POLI: variants seen among roughly 807,000 people sequenced by gnomAD.
POLI encodes the protein RAD30 homolog B.
POLI carries 58 observed loss-of-function variants against 51.6 expected under a neutral mutation model. The ratio of observed to expected loss-of-function variants is 1.12; its 90% confidence interval spans 0.91 to 1.40. POLI has a LOEUF of 1.40. Ranked by LOEUF, POLI falls within the 40% of genes most tolerant of loss-of-function variation. The pLI is 0.00. For synonymous variants in POLI, 322 were observed against 299.7 expected (o/e 1.07, Z -0.77); for missense variants, 921 against 871.3 (o/e 1.06, Z -0.72).
chr18:54,279,241 CT>C (rs769828054), intron 4 of POLI, among the ~76,000 whole-genome samples: 9,890 of 118,900 alleles, frequency 0.083, 678 homozygotes, highest in African/African-American at 0.3. Context: ...TATGTCTTTT[CT>C]TTTTTTTTTT....
intron 3 of POLI, among the ~76,000 whole-genome samples, chr18:54,304,886 C>T (rs1265658501): frequency 6.6e-5 from 10 of 152,070 alleles, no homozygotes; most frequent in South Asian, 4.2e-4. Context: ...AGGGTTTTTA[C>T]GGTTTTAGGT....
chr18:54,317,518 T>G (rs1044183951), intron 3 of POLI, among the ~76,000 whole-genome samples: 1 of 152,134 alleles, frequency 6.6e-6, no homozygotes, highest in Non-Finnish European at 1.5e-5. Flanking sequence ...ACGAATTGAG[T>G]CCCAAAATAA....
intron 3 of POLI, among the ~76,000 whole-genome samples, chr18:54,276,244 C>T (rs867183928): frequency 6.6e-6 from 1 of 151,930 alleles, no homozygotes; most frequent in African/African-American, 2.4e-5. Context: ...GTAGCATGTG[C>T]CTGCAGTCCC....
At position 54,295,082 on chromosome 18, in the gene POLI, A is replaced by G; in HGVS notation, c.*615A>G. 1 of 985,534 alleles carries G rather than the reference A, an allele frequency of 1.0e-6. No homozygotes were observed. The highest frequency in any genetic ancestry group is 1.2e-6 in the Non-Finnish European group (1 of 829,988). 61.0% of individuals were successfully genotyped at this position (985,534 alleles called of 1,614,324 possible). A position where few individuals can be genotyped will look rare whatever the true frequency, so the allele number is the denominator to read the frequency against. ...ATGAATGAATGGTTTGGCTAGGGCCAGGGTGGGGAGTTAAAGTGAGAGGAG... is the reference window on the plus strand; with the variant it reads ...ATGAATGAATGGTTTGGCTAGGGCCGGGGTGGGGAGTTAAAGTGAGAGGAG... On this transcript the variant is annotated 3_prime_UTR_variant, in exon 10 of 10. Coordinates refer to ENST00000579534, the MANE Select transcript of POLI (RefSeq NM_007195.3).
chr18:54,290,392 T>C (rs2087950213), intron 8 of POLI, among the ~76,000 whole-genome samples: 1 of 152,200 alleles, frequency 6.6e-6, no homozygotes, highest in South Asian at 2.1e-4. Context: ...GAGTGTAAAT[T>C]AGTTCAACCA....
chr18:54,270,359 A>G (rs1181186400), intron 1 of POLI: 1 of 152,314 alleles, frequency 6.6e-6, no homozygotes, highest in African/African-American at 2.4e-5. Context: ...GATCAGGTGT[A>G]GCTGTGTTGT....
chr18:54,307,200 C>G (rs949245825), intron 3 of POLI, among the ~76,000 whole-genome samples: 1 of 152,206 alleles, frequency 6.6e-6, no homozygotes, highest in African/African-American at 2.4e-5. Context: ...AATTTTAGAT[C>G]TTTCCTGCTT....
At chr18:54,304,308 T>C (rs1365912498) in intron 3 of POLI, among the ~76,000 whole-genome samples, 1 of 152,214 alleles carries the variant, frequency 6.6e-6, no homozygotes, top group Non-Finnish European at 1.5e-5. Context: ...ATGGTATTTC[T>C]AGTTCTAGAT....
At position 54,269,550 on chromosome 18, in the gene POLI, G is replaced by C. The variant is rs2144406619; in HGVS notation, c.4G>C (p.Glu2Gln). The C allele has an allele frequency of 1.3e-6, 2 of 1,508,692 alleles. No homozygotes were observed. The highest frequency in any genetic ancestry group is 1.8e-6 in the Non-Finnish European group (2 of 1,133,132). 93.5% of individuals were successfully genotyped at this position (1,508,692 alleles called of 1,614,324 possible). ...CGCTGCGGTTGGCAGCGGCGGGATG[G>C]AGAAGCTGGGGGTGGAGCCGGAGGA... The part of the protein sequence containing the change: M[E>Q]KLGVEPEEEG... Residue 2 changes from glutamate to glutamine, a missense_variant, in exon 1 of 10, where the codon GAG (glutamate) becomes CAG (glutamine). Coordinates refer to ENST00000579534, the MANE Select transcript of POLI (RefSeq NM_007195.3).
At chr18:54,278,000 C>CTG in intron 4 of POLI, 145 bp downstream of exon 4, 4 of 582,954 alleles carry the variant, frequency 6.9e-6, no homozygotes, top group African/African-American at 1.9e-5. Flanking sequence ...TCTAGGACAG[C>CTG]TAAAATTAGG....
chr18:54,279,232 A>C (rs943446722), intron 4 of POLI, among the ~76,000 whole-genome samples: 46 of 138,660 alleles, frequency 3.3e-4, no homozygotes, highest in African/African-American at 1.0e-3. Context: ...AATACCCATT[A>C]TGTCTTTTCT....
chr18:54,274,032 G>T lies in POLI; in HGVS notation c.348G>T (p.Leu116Phe). The T allele has an allele frequency of 6.4e-7, 1 of 1,569,204 alleles. No individual in the cohort carries two copies. Among genetic ancestry groups the T allele is most frequent in the Non-Finnish European group, 8.7e-7 (1 of 1,155,768 alleles). ...ATGCAAAAGAAAAGTGTCCACAGTT[G>T]GTATTAGTTAATGGAGAAGACCTGA... is the stretch of plus-strand genomic sequence containing the variant. ...VRDAKEKCPQ[L>F]VLVNGEDLTR... is the part of the protein sequence containing the mutation. Residue 116 changes from leucine (L) to phenylalanine (F), a missense_variant, in exon 3 of 10, where the codon TTG (leucine) becomes TTT (phenylalanine). Leu to Phe is a conservative substitution (Grantham distance 22). Coordinates refer to ENST00000579534, the MANE Select transcript of POLI (RefSeq NM_007195.3).
In POLI at chr18:54,287,274, T is replaced by A. The variant is rs747094937; in HGVS notation, c.1068-7T>A. 9.1e-6 allele frequency: 14 copies of A among 1,542,148 alleles called. No homozygotes were observed. Among genetic ancestry groups the A allele is most frequent in the Non-Finnish European group, 1.1e-5 (13 of 1,132,944 alleles). The stretch of plus-strand genomic sequence containing the variant: ...ATTCCTTATTTCCACTTTCTCTTTA[T>A]TTTTAGAGTATGCCAAGATGGAAGG... On this transcript the variant is annotated splice_polypyrimidine_tract_variant and splice_region_variant and intron_variant, in intron 7 of 9. Coordinates refer to ENST00000579534, the MANE Select transcript of POLI (RefSeq NM_007195.3).
intron 7 of POLI, among the ~76,000 whole-genome samples, chr18:54,284,969 C>G (rs1333603473): frequency 6.6e-6 from 1 of 152,176 alleles, no homozygotes; most frequent in South Asian, 2.1e-4. Context: ...AGGGCTCTAA[C>G]AGTTTAGAGT....
At chr18:54,290,258 A>G (rs375171009) in intron 8 of POLI, among the ~76,000 whole-genome samples, 10 of 152,356 alleles carry the variant, frequency 6.6e-5, no homozygotes, top group East Asian at 3.9e-4. Flanking sequence ...TTAGAGAAAT[A>G]CAAATCAAAA....
At chr18:54,303,016 C>T (rs984431473), downstream of POLI, among the ~76,000 whole-genome samples, 10 of 152,272 alleles carry the variant, frequency 6.6e-5, no homozygotes, top group African/African-American at 2.4e-4. Context: ...TGGAATTAGC[C>T]CTGTGGGTTA....
At chr18:54,277,327 T>C (rs1050614396) in intron 3 of POLI, among the ~76,000 whole-genome samples, 5 of 152,200 alleles carry the variant, frequency 3.3e-5, no homozygotes, top group South Asian at 2.1e-4. Flanking sequence ...CTATTACTTG[T>C]TTTTAACTTT....
At chr18:54,311,500 A>G (rs2088668445) in intron 3 of POLI, among the ~76,000 whole-genome samples, 2 of 152,340 alleles carry the variant, frequency 1.3e-5, no homozygotes, top group South Asian at 4.1e-4. Context: ...TATTCTAATA[A>G]AGTTTAGCCA....
chr18:54,290,489 A>G (rs938935789), intron 8 of POLI, among the ~76,000 whole-genome samples: 1 of 152,206 alleles, frequency 6.6e-6, no homozygotes, highest in African/African-American at 2.4e-5. Flanking sequence ...GTATATACCC[A>G]AAAGATTATA....
Sources: gnomAD v4.1 joint callset for allele counts (sites outside exome capture counted in the v4.1 genomes callset) on GRCh38, gnomAD v4.1.1 for gene constraint, MANE v1.5 for transcripts, NCBI Gene and HGNC (gene_info 2026-07-23, HGNC 2026-07-21) for gene names.